PRKG1: variants seen among roughly 807,000 people sequenced by gnomAD.
The protein encoded by PRKG1 is cGMP-dependent protein kinase 1.
Under a neutral mutation model 88.1 loss-of-function variants are expected in PRKG1, and 35 were observed. That is an observed-to-expected ratio of 0.40 (90% CI 0.30 to 0.53). The LOEUF is 0.53. Ranked by LOEUF, PRKG1 falls within the 20% of genes least tolerant of loss-of-function variation. The probability of loss-of-function intolerance (pLI) is 0.59; values close to 1 mark genes in which losing one functional copy is unlikely to be tolerated. For synonymous variants in PRKG1, 303 were observed against 292.5 expected, an observed-to-expected ratio of 1.04 and a Z score of -0.37; for missense variants, 540 against 839.8, an observed-to-expected ratio of 0.64 and a Z score of 4.41.
intron 2 of PRKG1, among the ~76,000 whole-genome samples, chr10:51,396,181 T>G (rs1266930458): frequency 6.6e-6 from 1 of 151,888 alleles, no homozygotes; most frequent in Non-Finnish European, 1.5e-5. Context: ...AGGCCAGGAG[T>G]TTGAGATCAG....
chr10:51,101,300 A>T (rs1844674783), intron 1 of PRKG1, among the ~76,000 whole-genome samples: 1 of 152,162 alleles, frequency 6.6e-6, no homozygotes, highest in African/African-American at 2.4e-5. Context: ...TACGGACACA[A>T]CAGGAAGATG....
chr10:51,730,271 C>A (rs1449541368), intron 3 of PRKG1, among the ~76,000 whole-genome samples: 2 of 152,160 alleles, frequency 1.3e-5, no homozygotes, highest in African/African-American at 4.8e-5. Flanking sequence ...TAGCCTCAAG[C>A]CTTTGCATTG....
chr10:52,168,437 G>A (rs994100097), intron 9 of PRKG1, among the ~76,000 whole-genome samples: 6 of 152,148 alleles, frequency 3.9e-5, no homozygotes, highest in Admixed American at 6.6e-5. Context: ...GTAGCAATAT[G>A]CCTGAGACCT....
intron 3 of PRKG1, among the ~76,000 whole-genome samples, chr10:51,722,219 A>ACTCT (rs1164910881): frequency 6.7e-6 from 1 of 148,934 alleles, no homozygotes; most frequent in Non-Finnish European, 1.5e-5. Flanking sequence ...ACAGAGCAAG[A>ACTCT]CTCTATCTCA....
intron 2 of PRKG1, among the ~76,000 whole-genome samples, chr10:51,367,179 C>A (rs1348824803): frequency 1.3e-5 from 2 of 151,768 alleles, no homozygotes; most frequent in Non-Finnish European, 2.9e-5. Flanking sequence ...TTTTCAGCTC[C>A]ACGGATTTCA....
chr10:51,135,482 G>A (rs539750148), intron 1 of PRKG1, among the ~76,000 whole-genome samples: 1 of 151,664 alleles, frequency 6.6e-6, no homozygotes, highest in East Asian at 1.9e-4. Flanking sequence ...GAAGGGGTGG[G>A]GCAAAAAACC....
At position 51,886,639 on chromosome 10, in the gene PRKG1, TTATC is replaced by T. The variant is rs201432494; in HGVS notation, c.699-20867_699-20864del. On this transcript the variant is annotated intron_variant, in intron 4 of 17. Transcript: ENST00000373980. ...TCATATAAGTGGAATCATGAAGTAT[TTATC>T]CTTCTGCATCTGGCTCGTTTTGCAG... Among the ~76,000 whole-genome samples the T allele has an allele frequency of 3.3e-5, 5 of 152,350 alleles. No homozygotes were observed. In the East Asian group the frequency reaches 9.6e-4, roughly 29 times the overall value.
chr10:52,073,216 G>T (rs1846545640), intron 7 of PRKG1, among the ~76,000 whole-genome samples: 1 of 152,110 alleles, frequency 6.6e-6, no homozygotes, highest in Admixed American at 6.5e-5. Context: ...GTCATTGAAT[G>T]GAGGGCCCAC....
intron 4 of PRKG1, among the ~76,000 whole-genome samples, chr10:51,875,017 A>G (rs865907721): frequency 3.9e-5 from 6 of 152,164 alleles, no homozygotes; most frequent in African/African-American, 1.4e-4. Flanking sequence ...AGATATTTCA[A>G]AAGTGGTAAT....
chr10:51,882,291 A>C (rs936145490), intron 4 of PRKG1, among the ~76,000 whole-genome samples: 13 of 152,186 alleles, frequency 8.5e-5, no homozygotes, highest in African/African-American at 3.1e-4. Context: ...CTCTTTCTCC[A>C]ACCAGGTACC....
chr10:51,231,379 G>T (rs1838839974), intron 2 of PRKG1, among the ~76,000 whole-genome samples: 1 of 152,084 alleles, frequency 6.6e-6, no homozygotes, highest in South Asian at 2.1e-4. Flanking sequence ...AATATTCAGG[G>T]TGTATATTGC....
chr10:51,430,461 A>G (rs2132724386), intron 2 of PRKG1, among the ~76,000 whole-genome samples: 1 of 152,192 alleles, frequency 6.6e-6, no homozygotes, highest in East Asian at 1.9e-4. Flanking sequence ...GGACAATACA[A>G]TTGTTAGAGA....
chr10:51,132,594 TG>T, intron 1 of PRKG1, among the ~76,000 whole-genome samples: 1 of 151,106 alleles, frequency 6.6e-6, no homozygotes, highest in Non-Finnish European at 1.5e-5. Context: ...GAACTCTGTT[TG>T]TCTGATTTAA....
intron 8 of PRKG1, among the ~76,000 whole-genome samples, chr10:52,158,093 G>A (rs1487117796): frequency 2.0e-5 from 3 of 151,598 alleles, no homozygotes; most frequent in Non-Finnish European, 4.4e-5. Context: ...AATTTCTTCC[G>A]AAATTAAGTT....
At chr10:51,022,825 A>C (rs1589111465) in intron 1 of PRKG1, among the ~76,000 whole-genome samples, 1 of 152,260 alleles carries the variant, frequency 6.6e-6, no homozygotes, top group East Asian at 1.9e-4. Context: ...ATAAATTAAG[A>C]CTTAAAAGCT....
intron 1 of PRKG1, among the ~76,000 whole-genome samples, chr10:51,132,213 T>C (rs1845583199): frequency 1.3e-5 from 2 of 152,184 alleles, no homozygotes; most frequent in Admixed American, 6.5e-5. Flanking sequence ...TTTACACTTT[T>C]AGTTCTTCTG....
chr10:51,341,512 T>G (rs1842003380), intron 2 of PRKG1, among the ~76,000 whole-genome samples: 1 of 152,190 alleles, frequency 6.6e-6, no homozygotes, highest in Non-Finnish European at 1.5e-5. Context: ...TTGTCTTCCC[T>G]AAGGCAAGTG....
intron 3 of PRKG1, among the ~76,000 whole-genome samples, chr10:51,662,133 G>A (rs549573889): frequency 6.6e-5 from 10 of 152,136 alleles, no homozygotes; most frequent in African/African-American, 1.4e-4. Flanking sequence ...TGTAAATGAC[G>A]AGTTAATGGG....
intron 1 of PRKG1, among the ~76,000 whole-genome samples, chr10:51,143,222 A>T (rs960393250): frequency 6.6e-5 from 10 of 152,064 alleles, no homozygotes; most frequent in Non-Finnish European, 1.0e-4. Flanking sequence ...TATGAGTGAG[A>T]TCGTGTGGTA....
Sources: allele counts gnomAD v4.1 joint callset (sites outside exome capture counted in the v4.1 genomes callset), GRCh38; gene constraint gnomAD v4.1.1; transcripts MANE v1.5; gene names NCBI Gene and HGNC (gene_info 2026-07-23, HGNC 2026-07-21).